ZNF804B: variants seen among roughly 807,000 people sequenced by gnomAD.
ZNF804B encodes the protein zinc finger 804B.
ZNF804B carries 80 observed loss-of-function variants against 101.4 expected under a neutral mutation model. The observed-to-expected ratio is 0.79, with a 90% CI of 0.66 to 0.95. The LOEUF is 0.95. Among genes scored for constraint, ZNF804B ranks in the 40% least tolerant of loss-of-function variants. The pLI, the probability that ZNF804B is intolerant of heterozygous loss-of-function variation, is 0.00. For synonymous variants in ZNF804B, 622 were observed against 558.8 expected, an observed-to-expected ratio of 1.11 and a Z score of -1.59; for missense variants, 1,673 against 1,561.9, an observed-to-expected ratio of 1.07 and a Z score of -1.20.
intron 1 of ZNF804B, among the ~76,000 whole-genome samples, chr7:88,866,351 A>C (rs959171482): frequency 1.3e-5 from 2 of 152,064 alleles, no homozygotes; most frequent in African/African-American, 4.8e-5. Flanking sequence ...CTTCCCCTTA[A>C]TTTCAGAATT....
chr7:88,779,760 G>T (rs1360990026), intron 1 of ZNF804B, among the ~76,000 whole-genome samples: 1 of 152,072 alleles, frequency 6.6e-6, no homozygotes, highest in Non-Finnish European at 1.5e-5. Context: ...TTCCCTCTCT[G>T]TGCCACCATG....
At chr7:89,326,331 C>T (rs1435805703) in intron 2 of ZNF804B, among the ~76,000 whole-genome samples, 1 of 152,012 alleles carries the variant, frequency 6.6e-6, no homozygotes, top group Non-Finnish European at 1.5e-5. Flanking sequence ...CTACCATGAG[C>T]ATGTTTCATT....
chr7:88,899,072 C>G (rs1054877578), intron 1 of ZNF804B, among the ~76,000 whole-genome samples: 2 of 152,146 alleles, frequency 1.3e-5, no homozygotes, highest in East Asian at 1.9e-4. Context: ...AGAGCCCTTT[C>G]CTTTCTTTAG....
At chr7:89,060,566 G>A (rs1562873479) in intron 1 of ZNF804B, among the ~76,000 whole-genome samples, 1 of 152,058 alleles carries the variant, frequency 6.6e-6, no homozygotes, top group Non-Finnish European at 1.5e-5. Context: ...GATCACAGAA[G>A]AGGAGAAAAT....
rs189777961 is a variant in ZNF804B, at chr7:88,871,056, C to T, written c.108+110972C>T. On this transcript the variant is annotated intron_variant, in intron 1 of 3. Coordinates refer to ENST00000333190, the MANE Select transcript of ZNF804B (RefSeq NM_181646.5). ...TTTCTATTAAAAGATTGATAATTCTCAATTCTGCAAGGAAGGGAGAACAAC... is the reference window on the plus strand; with the variant it reads ...TTTCTATTAAAAGATTGATAATTCTTAATTCTGCAAGGAAGGGAGAACAAC... Among the ~76,000 whole-genome samples the T allele has an allele frequency of 1.4e-4, 22 of 152,256 alleles. No individual in the cohort carries two copies. In the East Asian group the frequency reaches 4.2e-3, roughly 29 times the overall value.
At chr7:89,272,317 T>C (rs1789910868) in intron 2 of ZNF804B, among the ~76,000 whole-genome samples, 1 of 152,124 alleles carries the variant, frequency 6.6e-6, no homozygotes, top group African/African-American at 2.4e-5. Context: ...ACTTAATTTA[T>C]TTTTGTTTTA....
chr7:88,787,285 T>C (rs927436076), intron 1 of ZNF804B, among the ~76,000 whole-genome samples: 2 of 152,120 alleles, frequency 1.3e-5, no homozygotes, highest in Admixed American at 1.3e-4. Flanking sequence ...ATCCTGAAGG[T>C]GAAATGGAAT....
intron 1 of ZNF804B, among the ~76,000 whole-genome samples, chr7:88,837,806 A>G (rs1460422837): frequency 1.3e-5 from 2 of 151,880 alleles, no homozygotes; most frequent in Non-Finnish European, 2.9e-5. Flanking sequence ...TCACAAGTAT[A>G]TATGAGAATT....
chr7:88,843,377 A>G (rs1243938700), intron 1 of ZNF804B, among the ~76,000 whole-genome samples: 3 of 152,190 alleles, frequency 2.0e-5, no homozygotes, highest in Admixed American at 2.0e-4. Flanking sequence ...AACATTCATT[A>G]ATTTCCTGAG....
intron 1 of ZNF804B, among the ~76,000 whole-genome samples, chr7:88,868,048 AGTGTGTGTGTGTGTGTGTGTGTGTGT>A (rs34267852): frequency 7.0e-6 from 1 of 142,652 alleles, no homozygotes; most frequent in African/African-American, 2.6e-5. Flanking sequence ...TGTGTGTGTG[AGTGTGTGTGTGTGTGTGTGTGTGTGT>A]GTGTGTGTGT....
At chr7:89,276,496 A>C (rs1789983406) in intron 2 of ZNF804B, among the ~76,000 whole-genome samples, 1 of 151,940 alleles carries the variant, frequency 6.6e-6, no homozygotes, top group African/African-American at 2.4e-5. Context: ...TCAAATGTAC[A>C]ATATAATATG....
chr7:89,033,410 C>T (rs1788870946), intron 1 of ZNF804B, among the ~76,000 whole-genome samples: 1 of 152,056 alleles, frequency 6.6e-6, no homozygotes, highest in Admixed American at 6.6e-5. Context: ...ATAAATAGTG[C>T]CACCACAAAC....
intron 1 of ZNF804B, among the ~76,000 whole-genome samples, chr7:89,185,824 C>A (rs1788367103): frequency 6.6e-6 from 1 of 151,866 alleles, no homozygotes; most frequent in African/African-American, 2.4e-5. Context: ...CACACCACTG[C>A]ACTCCAGCCT....
chr7:89,108,843 C>G (rs962660237), intron 1 of ZNF804B, among the ~76,000 whole-genome samples: 1 of 151,992 alleles, frequency 6.6e-6, no homozygotes, highest in African/African-American at 2.4e-5. Flanking sequence ...GAAAGGTTAA[C>G]CTATATAAAA....
At chr7:89,272,949 C>T (rs932259862) in intron 2 of ZNF804B, among the ~76,000 whole-genome samples, 9 of 150,698 alleles carry the variant, frequency 6.0e-5, no homozygotes, top group South Asian at 2.1e-4. Flanking sequence ...TTGTAATGCA[C>T]GGAAAAAAAA....
At chr7:89,012,092 T>G (rs1788473430) in intron 1 of ZNF804B, among the ~76,000 whole-genome samples, 1 of 152,172 alleles carries the variant, frequency 6.6e-6, no homozygotes, top group Admixed American at 6.5e-5. Flanking sequence ...ACACTTTCAA[T>G]AACATGTTTA....
At chr7:88,978,992 C>T (rs1005704978) in intron 1 of ZNF804B, among the ~76,000 whole-genome samples, 4 of 151,728 alleles carry the variant, frequency 2.6e-5, no homozygotes, top group African/African-American at 7.2e-5. Flanking sequence ...TCTTATATTC[C>T]ATTATTTTAT....
intron 1 of ZNF804B, among the ~76,000 whole-genome samples, chr7:89,122,971 T>A (rs976985231): frequency 2.6e-5 from 4 of 152,100 alleles, no homozygotes; most frequent in Non-Finnish European, 5.9e-5. Context: ...GCTATTGCCA[T>A]CCCAATCTCT....
intron 1 of ZNF804B, among the ~76,000 whole-genome samples, chr7:89,178,860 T>G (rs931923236): frequency 2.0e-5 from 3 of 152,176 alleles, no homozygotes; most frequent in Non-Finnish European, 4.4e-5. Context: ...GTCTCCTGTT[T>G]ATAAAATCCT....
Sources: allele counts gnomAD v4.1 joint callset (sites outside exome capture counted in the v4.1 genomes callset), GRCh38; gene constraint gnomAD v4.1.1; transcripts MANE v1.5; gene names NCBI Gene and HGNC (gene_info 2026-07-23, HGNC 2026-07-21).